The following TRIM24 variants were observed in gnomAD, a reference collection of about 807,000 sequenced individuals.
The protein encoded by TRIM24 is tripartite motif containing 24, also known as transcription intermediary factor 1-alpha.
Under a neutral mutation model 123.9 loss-of-function variants are expected in TRIM24, and 29 were observed. That is an observed-to-expected ratio of 0.23 (90% CI 0.17 to 0.32). The LOEUF is 0.32. Ranked by LOEUF, TRIM24 falls within the 10% of genes least tolerant of loss-of-function variation. The pLI, the probability that TRIM24 is intolerant of heterozygous loss-of-function variation, is 1.00. For missense variants in TRIM24, 932 were observed against 1,295.3 expected (o/e 0.72, Z 4.31); for synonymous variants, 456 against 461.1 (o/e 0.99, Z 0.14).
chr7:138,584,709 C>T, intron 18 of TRIM24, 33 bp from the exon 19 acceptor site: 1 of 1,532,604 alleles, frequency 6.5e-7, no homozygotes. Flanking sequence ...AAAGTGTGTC[C>T]TTTTTTTACT....
At chr7:138,499,900 G>A (rs1795998124) in intron 1 of TRIM24, among the ~76,000 whole-genome samples, 1 of 151,746 alleles carries the variant, frequency 6.6e-6, no homozygotes, top group African/African-American at 2.4e-5. Context: ...GTATGTAAGA[G>A]TCAGTACTAT....
At chr7:138,529,819 C>A (rs28673291) in intron 6 of TRIM24, among the ~76,000 whole-genome samples, 3,306 of 152,128 alleles carry the variant, frequency 0.022, 103 homozygotes, top group African/African-American at 0.073. Context: ...GACTTCAAAT[C>A]ATATAAGGTT....
intron 1 of TRIM24, among the ~76,000 whole-genome samples, chr7:138,464,915 T>G (rs1381673541): frequency 6.6e-6 from 1 of 152,208 alleles, no homozygotes; most frequent in East Asian, 1.9e-4. Flanking sequence ...CTAGAATTGT[T>G]TCTTTAATGC....
intron 6 of TRIM24, among the ~76,000 whole-genome samples, chr7:138,533,770 G>T (rs1046668743): frequency 6.6e-6 from 1 of 152,138 alleles, no homozygotes; most frequent in Non-Finnish European, 1.5e-5. Context: ...CTATTCGTTG[G>T]AATAGTTTCA....
intron 3 of TRIM24, among the ~76,000 whole-genome samples, 185 bp from the exon 4 acceptor site, chr7:138,519,004 T>A (rs141471045): frequency 6.6e-6 from 1 of 152,356 alleles, no homozygotes; most frequent in African/African-American, 2.4e-5. Flanking sequence ...TTTACTTTTT[T>A]TTTCCTGAAA....
intron 9 of TRIM24, among the ~76,000 whole-genome samples, chr7:138,563,980 G>A (rs1416902217): frequency 6.6e-6 from 1 of 152,156 alleles, no homozygotes; most frequent in Non-Finnish European, 1.5e-5. Flanking sequence ...CTAGGCAGCA[G>A]AGAGCTGCCT....
intron 12 of TRIM24, among the ~76,000 whole-genome samples, chr7:138,575,883 AT>A (rs1371105341): frequency 6.6e-6 from 1 of 151,974 alleles, no homozygotes; most frequent in Non-Finnish European, 1.5e-5. Flanking sequence ...AGTTGGTTTA[AT>A]TTTGTTTACT....
At chr7:138,484,881 C>T (rs956760455) in intron 1 of TRIM24, among the ~76,000 whole-genome samples, 1 of 152,034 alleles carries the variant, frequency 6.6e-6, no homozygotes. Flanking sequence ...ATCTATAGGA[C>T]TCTATTCTAC....
chr7:138,539,798 A>T (rs572819983), intron 7 of TRIM24, among the ~76,000 whole-genome samples: 13 of 144,768 alleles, frequency 9.0e-5, no homozygotes, highest in African/African-American at 3.3e-4. Context: ...TCAATTAAGT[A>T]ATCTTTTTTT....
In TRIM24 at chr7:138,544,060, G is replaced by A. The variant is rs79172676; in HGVS notation, c.1143+5257G>A. ...ACCCCAGCTGTCTTGAACTACAGGT[G>A]TGAGCCACCACATCTGGCTGGCATT... is the stretch of plus-strand genomic sequence containing the variant. On this transcript the variant is annotated intron_variant, in intron 7 of 18. Coordinates refer to ENST00000343526, the MANE Select transcript of TRIM24 (RefSeq NM_015905.3). Among the ~76,000 whole-genome samples, 170 of 152,062 alleles carry A rather than the reference G, an allele frequency of 1.1e-3. 2 individuals are homozygous for A. In the East Asian group the frequency reaches 0.032, roughly 29 times the overall value.
At chr7:138,580,017 C>T (rs1797859218) in intron 15 of TRIM24, among the ~76,000 whole-genome samples, 1 of 152,158 alleles carries the variant, frequency 6.6e-6, no homozygotes, top group Admixed American at 6.5e-5. Context: ...ACAGCTACCA[C>T]AGTTTATTAT....
rs149164736 is a variant in TRIM24 at position 138,583,645 on chromosome 7, G to C, written c.2794-205G>C. Among the ~76,000 whole-genome samples, 709 of 152,222 alleles carry C rather than the reference G, an allele frequency of 4.7e-3. 4 individuals are homozygous for C. The highest frequency in any genetic ancestry group is 6.3e-3 in the Non-Finnish European group (430 of 68,014). On this transcript the variant is annotated intron_variant, in intron 17 of 18. Coordinates refer to ENST00000343526, the MANE Select transcript of TRIM24 (RefSeq NM_015905.3). ...AAAAATAATAATTGGTTAAACTTTT[G>C]GAAAAAGTCACACAAACCTTTACCA...
chr7:138,541,236 G>C (rs1195954541), intron 7 of TRIM24, among the ~76,000 whole-genome samples: 1 of 152,044 alleles, frequency 6.6e-6, no homozygotes, highest in African/African-American at 2.4e-5. Flanking sequence ...CTCACTTGAG[G>C]CTTGGAGTTC....
At position 138,504,312 on chromosome 7, in the gene TRIM24, T is replaced by C. The variant is rs750839202; in HGVS notation, c.387T>C (p.Val129=). The change falls in exon 2 of 19, where the codon GTT becomes GTC. Residue 129 remains valine, a synonymous_variant. Transcript: ENST00000343526. ...CAGTTGGAGTCATTCGTTGCCCAGTTTGCAGCCAAGAATGTGCAGAGAGAC... is the reference window on the plus strand; with the variant it reads ...CAGTTGGAGTCATTCGTTGCCCAGTCTGCAGCCAAGAATGTGCAGAGAGAC... ...ATQVGVIRCP[V]CSQECAERHI... is the part of the protein sequence containing the mutation. 3 of 1,591,948 alleles carry C rather than the reference T, an allele frequency of 1.9e-6. No homozygotes were observed. The highest frequency in any genetic ancestry group is 2.7e-5 in the African/African-American group (2 of 73,426).
At chr7:138,531,826 T>C (rs1440200180) in intron 6 of TRIM24, among the ~76,000 whole-genome samples, 9 of 152,346 alleles carry the variant, frequency 5.9e-5, no homozygotes, top group Non-Finnish European at 1.0e-4. Context: ...TAGTTTACAG[T>C]CTCACCAACA....
rs557198152 is a variant in TRIM24, at chr7:138,471,535, T to C, written c.364+10623T>C. Among the ~76,000 whole-genome samples, 3 of 151,330 alleles carry C rather than the reference T, an allele frequency of 2.0e-5. No homozygotes were observed. The South Asian group carries it at 6.2e-4, about 31-fold the overall frequency. On this transcript the variant is annotated intron_variant, in intron 1 of 18. Transcript: ENST00000343526. ...CATAGTATAATAAATTTATTTTTATTTTATTTATTTATTTATTTATTTTGA... is the reference window on the plus strand; with the variant it reads ...CATAGTATAATAAATTTATTTTTATCTTATTTATTTATTTATTTATTTTGA...
intron 7 of TRIM24, among the ~76,000 whole-genome samples, chr7:138,549,813 G>A (rs1405944061): frequency 1.3e-5 from 2 of 152,142 alleles, no homozygotes; most frequent in African/African-American, 4.8e-5. Flanking sequence ...TAACAGAAGA[G>A]GGATGAAAAT....
chr7:138,542,684 C>T (rs1296769647), intron 7 of TRIM24, among the ~76,000 whole-genome samples: 1 of 152,122 alleles, frequency 6.6e-6, no homozygotes, highest in Non-Finnish European at 1.5e-5. Flanking sequence ...TGTATTACTA[C>T]CTCTAAATGA....
intron 1 of TRIM24, among the ~76,000 whole-genome samples, chr7:138,480,303 T>C (rs1376967834): frequency 1.3e-5 from 2 of 152,158 alleles, no homozygotes; most frequent in Non-Finnish European, 2.9e-5. Context: ...ATTTACGTAA[T>C]GGTGAATGCT....
Sources: allele counts gnomAD v4.1 joint callset (sites outside exome capture counted in the v4.1 genomes callset), GRCh38; gene constraint gnomAD v4.1.1; transcripts MANE v1.5; gene names NCBI Gene and HGNC (gene_info 2026-07-23, HGNC 2026-07-21).